Variants in CNTNAP2 observed in about 807,000 individuals in gnomAD.
The protein encoded by CNTNAP2 is contactin-associated protein-like 2.
A neutral mutation model predicts 155.2 loss-of-function variants in CNTNAP2; 98 were observed. The ratio of observed to expected loss-of-function variants is 0.63; its 90% CI spans 0.54 to 0.75. CNTNAP2 has a LOEUF of 0.75. Among genes scored for constraint, CNTNAP2 ranks in the 30% least tolerant of loss-of-function variants. CNTNAP2 has a pLI of 0.00. For synonymous variants in CNTNAP2, 651 were observed against 631.2 expected, an observed-to-expected ratio of 1.03 and a Z score of -0.47; for missense variants, 1,727 against 1,688.1, an observed-to-expected ratio of 1.02 and a Z score of -0.40.
chr7:147,911,887 A>G (rs988945822), intron 14 of CNTNAP2, among the ~76,000 whole-genome samples: 3 of 152,166 alleles, frequency 2.0e-5, no homozygotes, highest in African/African-American at 7.2e-5. Context: ...CATTTTAGTG[A>G]CTGTGAATAA....
intron 3 of CNTNAP2, among the ~76,000 whole-genome samples, chr7:146,892,732 C>CA (rs1319697073): frequency 2.0e-5 from 3 of 152,110 alleles, no homozygotes; most frequent in Non-Finnish European, 4.4e-5. Context: ...ACTGAGACTG[C>CA]ACCACTGCAC....
chr7:147,854,309 T>A (rs1040020361), intron 13 of CNTNAP2, among the ~76,000 whole-genome samples: 1 of 152,054 alleles, frequency 6.6e-6, no homozygotes, highest in African/African-American at 2.4e-5. Context: ...AGCAAAGAAG[T>A]ATATATTTTT....
chr7:146,810,869 C>T (rs1012400682), intron 2 of CNTNAP2, among the ~76,000 whole-genome samples: 2 of 152,082 alleles, frequency 1.3e-5, no homozygotes, highest in Non-Finnish European at 2.9e-5. Flanking sequence ...TTGTTAAATG[C>T]TTTGTTGCAT....
chr7:146,491,668 A>T (rs1446417284), intron 1 of CNTNAP2, among the ~76,000 whole-genome samples: 1 of 152,178 alleles, frequency 6.6e-6, no homozygotes, highest in Admixed American at 6.6e-5. Flanking sequence ...CTACTCTCTT[A>T]CAAACCCAGT....
At chr7:146,795,090 G>A (rs1458793720) in intron 2 of CNTNAP2, among the ~76,000 whole-genome samples, 1 of 152,066 alleles carries the variant, frequency 6.6e-6, no homozygotes, top group Non-Finnish European at 1.5e-5. Flanking sequence ...CAGACATAAT[G>A]TAAGTATATG....
intron 18 of CNTNAP2, among the ~76,000 whole-genome samples, chr7:148,197,020 C>T (rs539474079): frequency 2.6e-5 from 4 of 152,182 alleles, no homozygotes; most frequent in East Asian, 1.9e-4. Flanking sequence ...ATGTTAAACA[C>T]GAGTGCCAGT....
intron 13 of CNTNAP2, among the ~76,000 whole-genome samples, chr7:147,871,544 A>G (rs1799326020): frequency 6.6e-6 from 1 of 152,078 alleles, no homozygotes; most frequent in Non-Finnish European, 1.5e-5. Context: ...AGTTGCCCTC[A>G]TTGGGGTATC....
intron 10 of CNTNAP2, among the ~76,000 whole-genome samples, chr7:147,399,280 A>C (rs1308520523): frequency 1.3e-5 from 2 of 152,172 alleles, no homozygotes; most frequent in African/African-American, 4.8e-5. Flanking sequence ...GAGCAACATG[A>C]TGTACTCACG....
intron 1 of CNTNAP2, among the ~76,000 whole-genome samples, chr7:146,357,418 A>C (rs929998372): frequency 2.0e-5 from 3 of 152,118 alleles, no homozygotes; most frequent in African/African-American, 7.2e-5. Flanking sequence ...ATAATCTATC[A>C]GTATCATATA....
At chr7:148,278,039 A>C (rs1235333572) in intron 21 of CNTNAP2, among the ~76,000 whole-genome samples, 1 of 152,194 alleles carries the variant, frequency 6.6e-6, no homozygotes, top group Non-Finnish European at 1.5e-5. Context: ...AGCACTTTCC[A>C]GGCCTTTGGT....
At chr7:147,617,435 G>T (rs905432833) in intron 12 of CNTNAP2, among the ~76,000 whole-genome samples, 1 of 152,142 alleles carries the variant, frequency 6.6e-6, no homozygotes, top group Non-Finnish European at 1.5e-5. Flanking sequence ...GCTTGTGGAT[G>T]CATGAATGAT....
At chr7:148,248,197 TC>T (rs1321018152) in intron 20 of CNTNAP2, among the ~76,000 whole-genome samples, 1 of 124,546 alleles carries the variant, frequency 8.0e-6, no homozygotes, top group African/African-American at 2.7e-5. Context: ...TTTTACCTGT[TC>T]TATAATTTTT....
intron 10 of CNTNAP2, among the ~76,000 whole-genome samples, chr7:147,463,908 C>A (rs1407482198): frequency 9.2e-6 from 1 of 109,274 alleles, no homozygotes; most frequent in Non-Finnish European, 1.8e-5. Context: ...CTTCAGTCTA[C>A]AAATACTAAA....
intron 1 of CNTNAP2, among the ~76,000 whole-genome samples, chr7:146,439,411 A>G (rs1330938077): frequency 1.3e-5 from 2 of 151,360 alleles, no homozygotes; most frequent in Non-Finnish European, 2.9e-5. Flanking sequence ...TTTTTCCCTT[A>G]AGTATGAATA....
chr7:146,365,390 C>T (rs1240685719), intron 1 of CNTNAP2, among the ~76,000 whole-genome samples: 1 of 152,088 alleles, frequency 6.6e-6, no homozygotes, highest in African/African-American at 2.4e-5. Flanking sequence ...CTTTTCATTC[C>T]CTCATTCTTC....
chr7:146,969,218 A>T (rs1184117153), intron 3 of CNTNAP2, among the ~76,000 whole-genome samples: 1 of 151,736 alleles, frequency 6.6e-6, no homozygotes, highest in Non-Finnish European at 1.5e-5. Context: ...GCTGAGGAGA[A>T]CTTTACTTCC....
chr7:146,814,080 A>C (rs964672640), intron 2 of CNTNAP2, among the ~76,000 whole-genome samples: 4 of 152,200 alleles, frequency 2.6e-5, no homozygotes, highest in African/African-American at 4.8e-5. Context: ...AGTCTCAGGC[A>C]GTTCTTTATA....
intron 8 of CNTNAP2, among the ~76,000 whole-genome samples, chr7:147,288,521 A>C (rs544677342): frequency 1.3e-5 from 2 of 152,312 alleles, no homozygotes; most frequent in South Asian, 4.1e-4. Context: ...AAAAGCAAAG[A>C]CTGTCAAATC....
At chr7:147,273,167 G>A (rs564135572) in intron 8 of CNTNAP2, among the ~76,000 whole-genome samples, 2 of 152,078 alleles carry the variant, frequency 1.3e-5, no homozygotes, top group Admixed American at 6.6e-5. Flanking sequence ...CAATCTAAAC[G>A]GGCGGGATTG....
Sources: gnomAD v4.1 joint callset for allele counts (sites outside exome capture counted in the v4.1 genomes callset) on GRCh38, gnomAD v4.1.1 for gene constraint, MANE v1.5 for transcripts, NCBI Gene and HGNC (gene_info 2026-07-23, HGNC 2026-07-21) for gene names.